SPTLC1: variants seen among roughly 807,000 people sequenced by gnomAD.
SPTLC1 encodes the protein serine palmitoyltransferase long chain base subunit 1, also known as serine palmitoyltransferase 1.
SPTLC1 carries 55 observed loss-of-function variants against 68.9 expected under a neutral mutation model. The observed-to-expected ratio is 0.80, with a 90% CI of 0.64 to 1.00. The LOEUF is 1.00. Ranked by LOEUF, SPTLC1 falls within the 50% of genes least tolerant of loss-of-function variation. The pLI is 0.00. For synonymous variants in SPTLC1, 197 were observed against 201.6 expected, an observed-to-expected ratio of 0.98 and a Z score of 0.19; for missense variants, 449 against 573.1, an observed-to-expected ratio of 0.78 and a Z score of 2.21.
intron 3 of SPTLC1, among the ~76,000 whole-genome samples, chr9:92,094,235 G>C (rs10992230): frequency 0.078 from 11,829 of 152,256 alleles, 823 homozygotes; most frequent in East Asian, 0.27. Context: ...ACGGGTGATA[G>C]AGAAGAGGTT....
chr9:92,085,111 A>G (rs1427619353), intron 3 of SPTLC1, among the ~76,000 whole-genome samples: 8 of 150,876 alleles, frequency 5.3e-5, no homozygotes, highest in East Asian at 3.9e-4. Flanking sequence ...TTTTTATTGC[A>G]TCTATTTGAT....
chr9:92,059,213 CG>C lies in SPTLC1; in HGVS notation c.655del (p.Arg219AspfsTer3), dbSNP rs1834002518. ...TTCGATCTCTTGTTCTTTTAGTAGTCGCTCGAGGTCAGCCATGTCATTATGC... is the reference window on the plus strand; with the variant it reads ...TTCGATCTCTTGTTCTTTTAGTAGTCCTCGAGGTCAGCCATGTCATTATGC... ...FKHNDMADLE[R>X]LLKEQEIEDQ... On this transcript the variant is annotated frameshift_variant, in exon 7 of 15. Coordinates refer to ENST00000262554, the MANE Select transcript of SPTLC1 (RefSeq NM_006415.4). LOFTEE classifies it high-confidence loss of function. 3 of 1,613,774 alleles carry C rather than the reference CG, an allele frequency of 1.9e-6. No homozygotes were observed. The highest frequency in any genetic ancestry group is 2.5e-6 in the Non-Finnish European group (3 of 1,179,920).
intron 9 of SPTLC1, among the ~76,000 whole-genome samples, chr9:92,048,048 G>A (rs568659310): frequency 6.6e-6 from 1 of 152,110 alleles, no homozygotes; most frequent in Non-Finnish European, 1.5e-5. Flanking sequence ...CTATTTCCTC[G>A]CTAAAACAGT....
chr9:92,056,702 T>G (rs574752330), intron 7 of SPTLC1, among the ~76,000 whole-genome samples: 3 of 152,294 alleles, frequency 2.0e-5, no homozygotes, highest in Non-Finnish European at 4.4e-5. Context: ...GCCTCTAAGT[T>G]TCTGCTCCAA....
intron 12 of SPTLC1, among the ~76,000 whole-genome samples, chr9:92,041,177 G>A (rs914799737): frequency 1.3e-5 from 2 of 152,144 alleles, no homozygotes; most frequent in African/African-American, 4.8e-5. Flanking sequence ...AACCAGCATA[G>A]GATGTTGACT....
At chr9:92,050,366 T>C (rs190366350) in intron 8 of SPTLC1, 14 of 341,566 alleles carry the variant, frequency 4.1e-5, no homozygotes, top group Admixed American at 3.3e-4. Flanking sequence ...ACAACTACCC[T>C]TTTCATGGCC....
At chr9:92,105,709 C>A (rs1255364927) in intron 3 of SPTLC1, among the ~76,000 whole-genome samples, 1 of 151,220 alleles carries the variant, frequency 6.6e-6, no homozygotes. Context: ...GTGACGAGTG[C>A]CTCTGCCTGG....
At chr9:92,038,409 C>T in intron 12 of SPTLC1, 44 bp from the exon 13 acceptor site, 1 of 1,254,678 alleles carries the variant, frequency 8.0e-7, no homozygotes. Context: ...CCCTTCCAGG[C>T]TTGAAGATCG....
chr9:92,085,027 G>A (rs1391075253), intron 3 of SPTLC1, among the ~76,000 whole-genome samples: 29 of 150,754 alleles, frequency 1.9e-4, no homozygotes, highest in African/African-American at 3.9e-4. Flanking sequence ...GTTTATTTGC[G>A]TAGAGGTGTT....
At chr9:92,038,135 C>T in intron 13 of SPTLC1, 113 bp downstream of exon 13, 1 of 806,234 alleles carries the variant, frequency 1.2e-6, no homozygotes, top group Non-Finnish European at 2.2e-6. Flanking sequence ...TTCCTTTCTA[C>T]CCTCTTCTCT....
At chr9:92,107,867 A>G (rs1034507512) in intron 3 of SPTLC1, 4 of 152,264 alleles carry the variant, frequency 2.6e-5, no homozygotes, top group African/African-American at 9.6e-5. Flanking sequence ...AATCAGAACA[A>G]TACTACTCAG....
At chr9:92,083,569 C>T (rs1187521111) in intron 3 of SPTLC1, among the ~76,000 whole-genome samples, 1 of 152,172 alleles carries the variant, frequency 6.6e-6, no homozygotes, top group Non-Finnish European at 1.5e-5. Context: ...GGCGTTATTT[C>T]TGAGGGCTCT....
At position 92,047,616 on chromosome 9, in the gene SPTLC1, A is replaced by T; in HGVS notation, c.981T>A (p.His327Gln). 6.2e-7 allele frequency: 1 copy of T among 1,608,330 alleles called. No individual in the cohort carries two copies. The highest frequency in any genetic ancestry group is 8.5e-7 in the Non-Finnish European group (1 of 1,174,882). Reference sequence around the variant, plus strand: ...CCTGTTTTTAAAAAGAACCCACCTGATGGTCAATTACAAAAGACCTGCCAC... The same window carrying T: ...CCTGTTTTTAAAAAGAACCCACCTGTTGGTCAATTACAAAAGACCTGCCAC... The part of the protein sequence containing the change: ...FCCGRSFVID[H>Q]QRLSGQGYCF... Residue 327 changes from histidine (H) to glutamine (Q), a missense_variant, in exon 10 of 15, where the codon CAT becomes CAA. Around this residue, in one of 3 missense-constraint regions of SPTLC1, gnomAD observed 391 missense variants for 472.1 expected, o/e 0.83. Coordinates refer to ENST00000262554, the MANE Select transcript of SPTLC1 (RefSeq NM_006415.4).
rs7021040 is a variant in SPTLC1 at position 92,103,769 on chromosome 9, G to T, written c.260+4971C>A. Among the ~76,000 whole-genome samples, 605 of 152,350 alleles carry T rather than the reference G, an allele frequency of 4.0e-3. 5 individuals carry two copies. The highest frequency in any genetic ancestry group is 0.014 in the African/African-American group (573 of 41,590). On this transcript the variant is annotated intron_variant, in intron 3 of 14. Coordinates refer to ENST00000262554, the MANE Select transcript of SPTLC1 (RefSeq NM_006415.4). ...CGGGGGAGCCTGGCAGGATCTGGCTGGTCCTGTGCTCTGCTTCCAGGTTCT... is the reference window on the plus strand; with the variant it reads ...CGGGGGAGCCTGGCAGGATCTGGCTTGTCCTGTGCTCTGCTTCCAGGTTCT...
At chr9:92,112,619 A>G in intron 1 of SPTLC1, 57 bp from the exon 2 acceptor site, 2 of 1,166,756 alleles carry the variant, frequency 1.7e-6, no homozygotes, top group South Asian at 1.2e-5. Flanking sequence ...ACACCTGCAC[A>G]TAAAATTTAC....
At chr9:92,046,706 G>GT (rs1206495896) in intron 11 of SPTLC1, among the ~76,000 whole-genome samples, 2 of 152,142 alleles carry the variant, frequency 1.3e-5, no homozygotes, top group African/African-American at 4.8e-5. Context: ...TTCCCACTGA[G>GT]TAAGTTCTTT....
At chr9:92,089,835 A>G (rs1268441375) in intron 3 of SPTLC1, among the ~76,000 whole-genome samples, 6 of 152,228 alleles carry the variant, frequency 3.9e-5, no homozygotes, top group Non-Finnish European at 8.8e-5. Flanking sequence ...AGAGAAAAAT[A>G]ATTGTGAAAG....
chr9:92,041,245 AC>A (rs763437920), intron 12 of SPTLC1, among the ~76,000 whole-genome samples: 30 of 152,358 alleles, frequency 2.0e-4, no homozygotes, highest in Non-Finnish European at 3.7e-4. Context: ...GAAAAATTGA[AC>A]AAAAAAATTA....
chr9:92,047,453 T>C (rs1411828916), intron 10 of SPTLC1, among the ~76,000 whole-genome samples, 160 bp downstream of exon 10: 1 of 152,226 alleles, frequency 6.6e-6, no homozygotes, highest in Middle Eastern at 3.2e-3. Context: ...TGTGAGATCA[T>C]TTCTAAATAG....
Sources: gnomAD v4.1 joint callset for allele counts (sites outside exome capture counted in the v4.1 genomes callset) on GRCh38, gnomAD v4.1.1 for gene constraint, gnomAD v4.1.1 regional missense constraint, MANE v1.5 for transcripts, NCBI Gene and HGNC (gene_info 2026-07-23, HGNC 2026-07-21) for gene names.